TMEM130: variants seen among roughly 807,000 people sequenced by gnomAD.
TMEM130 encodes the protein transmembrane protein 130.
In TMEM130, 37 loss-of-function variants were observed where a neutral mutation model predicts 42.9. The ratio of observed to expected loss-of-function variants is 0.86; its 90% CI spans 0.66 to 1.13. The LOEUF (loss-of-function observed/expected upper bound fraction) is 1.13. Among genes scored for constraint, TMEM130 ranks in the 50% most tolerant of loss-of-function variants. The pLI is 0.00. For synonymous variants in TMEM130, 259 were observed against 237.7 expected (o/e 1.09, Z -0.82); for missense variants, 545 against 562.6 (o/e 0.97, Z 0.32).
chr7:98,847,854 TA>T lies in TMEM130; in HGVS notation c.*201del. ...GGGGCTTATGTCAGTGGCTGGACTG[TA>T]CAGATGGGTGAATGGCTGGGGTCAG... On this transcript the variant is annotated 3_prime_UTR_variant, in exon 8 of 8. Coordinates refer to ENST00000339375, the MANE Select transcript of TMEM130 (RefSeq NM_152913.3). The T allele has an allele frequency of 1.7e-6, 1 of 574,576 alleles. No homozygotes were observed. Among genetic ancestry groups the T allele is most frequent in the Non-Finnish European group, 3.1e-6 (1 of 324,372 alleles). The allele number at this position is 574,576 out of a possible 1,614,324, so 35.6% of individuals were successfully genotyped here.
At chr7:98,862,984 C>A (rs1794819882) in intron 2 of TMEM130, 111 bp downstream of exon 2, 9 of 1,179,600 alleles carry the variant, frequency 7.6e-6, no homozygotes, top group Non-Finnish European at 1.0e-5. Context: ...CGGGCCTAAT[C>A]CCCCAGAACC....
At position 98,869,690 on chromosome 7, in the gene TMEM130, T is replaced by A. The variant is rs963862128; in HGVS notation, c.85+87A>T. On this transcript the variant is annotated intron_variant, in intron 1 of 7. Transcript: ENST00000339375. The surrounding 1 kb of genome is among the most constrained non-coding windows in gnomAD (Gnocchi z 4.7). ...CGCACGGTGCCACCTCCGCAATCCC[T>A]GCTCCCGGGCCCACTCGCCCGCTGA... 1.3e-5 allele frequency: 13 copies of A among 1,034,242 alleles called. No homozygotes were observed. Among genetic ancestry groups the A allele is most frequent in the Non-Finnish European group, 1.7e-5 (13 of 784,226 alleles). The allele number at this position is 1,034,242 out of a possible 1,614,324, so 64.1% of individuals were successfully genotyped here. A position where few individuals can be genotyped will look rare whatever the true frequency, so the allele number is the denominator to read the frequency against.
intron 1 of TMEM130, among the ~76,000 whole-genome samples, chr7:98,868,990 T>C (rs1472355225): frequency 1.3e-5 from 2 of 152,162 alleles, no homozygotes; most frequent in Non-Finnish European, 2.9e-5. Context: ...TCTCCACCGC[T>C]CTTTTATGAG....
intron 5 of TMEM130, among the ~76,000 whole-genome samples, chr7:98,853,539 A>T (rs1470931592): frequency 2.0e-5 from 3 of 152,200 alleles, no homozygotes; most frequent in Non-Finnish European, 2.9e-5. Flanking sequence ...GAGGCAGGAG[A>T]ATCGCTTGAA....
At position 98,869,930 on chromosome 7, in the gene TMEM130, G is replaced by A; in HGVS notation, c.-69C>T. 3 of 1,134,632 alleles carry A rather than the reference G, an allele frequency of 2.6e-6. No individual in the cohort carries two copies. Among genetic ancestry groups the A allele is most frequent in the Non-Finnish European group, 2.3e-6 (2 of 888,642 alleles). 70.3% of individuals were successfully genotyped at this position (1,134,632 alleles called of 1,614,324 possible). A position where few individuals can be genotyped will look rare whatever the true frequency, so the allele number is the denominator to read the frequency against. Reference sequence around the variant, plus strand: ...AATGCAGCTGGAGCTCGAGAACTGCGGCGGTCGCTCCTCCGGGCGCGCAGC... The same window carrying A: ...AATGCAGCTGGAGCTCGAGAACTGCAGCGGTCGCTCCTCCGGGCGCGCAGC... On this transcript the variant is annotated 5_prime_UTR_variant, in exon 1 of 8. Transcript: ENST00000339375. This position sits in a 1 kb window ranked among gnomAD's most constrained non-coding sequence, Gnocchi z 4.7.
chr7:98,852,029 C>T (rs1794520054), intron 5 of TMEM130, among the ~76,000 whole-genome samples: 1 of 152,206 alleles, frequency 6.6e-6, no homozygotes, highest in Non-Finnish European at 1.5e-5. Flanking sequence ...TCACTGCAGC[C>T]TCCAGCTCCT....
intron 5 of TMEM130, among the ~76,000 whole-genome samples, chr7:98,852,623 C>G (rs1794537141): frequency 6.6e-6 from 1 of 151,976 alleles, no homozygotes; most frequent in African/African-American, 2.4e-5. Context: ...TTGACAGAGT[C>G]TCACTCTGTC....
Position 98,869,915 on chromosome 7 carries a change from G to C in TMEM130, c.-54C>G. 3.2e-6 allele frequency: 4 copies of C among 1,233,644 alleles called. No individual in the cohort carries two copies. The highest frequency in any genetic ancestry group is 2.3e-4 in the Middle Eastern group (1 of 4,286). The allele number at this position is 1,233,644 out of a possible 1,614,324, so 76.4% of individuals were successfully genotyped here. On this transcript the variant is annotated 5_prime_UTR_variant, in exon 1 of 8. Coordinates refer to ENST00000339375, the MANE Select transcript of TMEM130 (RefSeq NM_152913.3). The surrounding 1 kb of genome is among the most constrained non-coding windows in gnomAD (Gnocchi z 4.7). ...GGCGGACGCGGAGGGAATGCAGCTG[G>C]AGCTCGAGAACTGCGGCGGTCGCTC...
At chr7:98,868,836 C>G (rs1466239218) in intron 1 of TMEM130, among the ~76,000 whole-genome samples, 1 of 152,222 alleles carries the variant, frequency 6.6e-6, no homozygotes, top group Non-Finnish European at 1.5e-5. Context: ...CAAGAGACCC[C>G]TTTCCTGTAT....
At chr7:98,852,741 T>C (rs1649607613) in intron 5 of TMEM130, among the ~76,000 whole-genome samples, 1 of 151,950 alleles carries the variant, frequency 6.6e-6, no homozygotes, top group African/African-American at 2.4e-5. Context: ...ATTACAGGCA[T>C]GCACCACCGT....
chr7:98,849,330 G>A (rs1407503732), intron 6 of TMEM130, among the ~76,000 whole-genome samples: 1 of 152,192 alleles, frequency 6.6e-6, no homozygotes, highest in Non-Finnish European at 1.5e-5. Flanking sequence ...AACAAGAAGA[G>A]GGGTGTTGAT....
At chr7:98,858,564 A>T (rs1297218171) in intron 3 of TMEM130, among the ~76,000 whole-genome samples, 1 of 151,244 alleles carries the variant, frequency 6.6e-6, no homozygotes, top group Non-Finnish European at 1.5e-5. Context: ...GCGGGGGGTG[A>T]GGAAAGCCAA....
chr7:98,855,894 C>T, intron 4 of TMEM130, 123 bp downstream of exon 4: 2 of 1,154,826 alleles, frequency 1.7e-6, no homozygotes, highest in East Asian at 2.6e-5. Flanking sequence ...GATAGACGCT[C>T]CTCAGAGGTC....
intron 3 of TMEM130, among the ~76,000 whole-genome samples, chr7:98,858,270 G>A (rs986318760): frequency 1.3e-5 from 2 of 152,180 alleles, no homozygotes; most frequent in Non-Finnish European, 2.9e-5. Context: ...GCCAGGCACG[G>A]TGGCTCACAC....
intron 7 of TMEM130, 52 bp downstream of exon 7, chr7:98,848,528 ACAT>A: frequency 7.8e-7 from 1 of 1,277,008 alleles, no homozygotes; most frequent in Non-Finnish European, 1.1e-6. Context: ...CCCTCTCTAA[ACAT>A]CCTCTCTAGG....
At position 98,860,166 on chromosome 7, in the gene TMEM130, G is replaced by C. The variant is rs782581028; in HGVS notation, c.551+13C>G. The stretch of plus-strand genomic sequence containing the variant: ...GTGACAGCTGTAGGGCCTGCAGAGG[G>C]GTAAGGACCTACCCGTCCCCGAAGT... On this transcript the variant is annotated intron_variant, in intron 3 of 7. Coordinates refer to ENST00000339375, the MANE Select transcript of TMEM130 (RefSeq NM_152913.3). 1.2e-6 allele frequency: 2 copies of C among 1,609,318 alleles called. No individual in the cohort carries two copies. Among genetic ancestry groups the C allele is most frequent in the Non-Finnish European group, 1.7e-6 (2 of 1,177,462 alleles).
At chr7:98,868,911 T>G (rs1794967165) in intron 1 of TMEM130, among the ~76,000 whole-genome samples, 1 of 152,222 alleles carries the variant, frequency 6.6e-6, no homozygotes, top group African/African-American at 2.4e-5. Flanking sequence ...AATTCATCCC[T>G]GAGTTGCAGG....
At chr7:98,855,869 T>C in intron 4 of TMEM130, 148 bp downstream of exon 4, 1 of 977,452 alleles carries the variant, frequency 1.0e-6, no homozygotes, top group Non-Finnish European at 1.5e-6. Context: ...GCGCTCTGTC[T>C]GAAGCAGGGT....
At chr7:98,848,332 A>C in intron 7 of TMEM130, 124 bp from the exon 8 acceptor site, 1 of 1,176,762 alleles carries the variant, frequency 8.5e-7, no homozygotes, top group Non-Finnish European at 1.2e-6. Context: ...CTGGTGGCAG[A>C]GTGCACAGAA....
Sources: allele counts gnomAD v4.1 joint callset (sites outside exome capture counted in the v4.1 genomes callset), GRCh38; gene constraint gnomAD v4.1.1; non-coding constraint Gnocchi (gnomAD v3.1); transcripts MANE v1.5; gene names NCBI Gene and HGNC (gene_info 2026-07-23, HGNC 2026-07-21).